Variants in ATP8A2 observed in about 807,000 individuals in gnomAD.
ATP8A2 encodes phospholipid-transporting ATPase IB.
In ATP8A2, 100 loss-of-function variants were observed where a neutral mutation model predicts 165.6. That is an observed-to-expected ratio of 0.60 (90% confidence interval 0.51 to 0.71). The LOEUF is 0.71. Among genes scored for constraint, ATP8A2 ranks in the 30% least tolerant of loss-of-function variants. The probability of loss-of-function intolerance (pLI) is 0.00; values close to 1 mark genes in which losing one functional copy is unlikely to be tolerated. For missense variants in ATP8A2, 1,227 were observed against 1,479.5 expected (o/e 0.83, Z 2.80); for synonymous variants, 543 against 548.8 (o/e 0.99, Z 0.15).
chr13:25,525,791 T>C (rs1403677527), intron 2 of ATP8A2, among the ~76,000 whole-genome samples: 1 of 152,142 alleles, frequency 6.6e-6, no homozygotes, highest in Non-Finnish European at 1.5e-5. Context: ...GAAGTCTTAT[T>C]TGGGTCAGAT....
At chr13:25,551,031 C>G (rs1222409606) in intron 10 of ATP8A2, among the ~76,000 whole-genome samples, 14 of 152,016 alleles carry the variant, frequency 9.2e-5, no homozygotes, top group African/African-American at 3.4e-4. Context: ...ATATTTAGAA[C>G]CTGTTGTGTT....
At chr13:25,557,209 C>T (rs2039007002) in intron 13 of ATP8A2, among the ~76,000 whole-genome samples, 1 of 152,056 alleles carries the variant, frequency 6.6e-6, no homozygotes, top group South Asian at 2.1e-4. Context: ...GCTCTAAATT[C>T]TTAGTATAAC....
chr13:25,467,997 A>G (rs1010164592), intron 1 of ATP8A2, among the ~76,000 whole-genome samples: 10 of 152,232 alleles, frequency 6.6e-5, no homozygotes, highest in South Asian at 2.1e-4. Flanking sequence ...CCTTTATCTC[A>G]GACGCCTCTC....
chr13:25,421,457 C>T (rs1251521373), intron 1 of ATP8A2, among the ~76,000 whole-genome samples: 1 of 152,158 alleles, frequency 6.6e-6, no homozygotes, highest in African/African-American at 2.4e-5. Flanking sequence ...ACCTCAGCCC[C>T]CCAAGTAGCT....
chr13:26,001,372 C>T (rs942326979), intron 35 of ATP8A2, among the ~76,000 whole-genome samples: 1 of 152,150 alleles, frequency 6.6e-6, no homozygotes, highest in Non-Finnish European at 1.5e-5. Flanking sequence ...AGTCCATTTT[C>T]CATTCATTTG....
chr13:25,793,723 C>G (rs1950435084), intron 27 of ATP8A2, among the ~76,000 whole-genome samples: 1 of 151,738 alleles, frequency 6.6e-6, no homozygotes, highest in Non-Finnish European at 1.5e-5. Context: ...TTTGTGTTAG[C>G]CATTAACGAG....
At chr13:25,841,169 C>T (rs1028396065) in intron 30 of ATP8A2, among the ~76,000 whole-genome samples, 2 of 152,138 alleles carry the variant, frequency 1.3e-5, no homozygotes, top group Non-Finnish European at 2.9e-5. Context: ...TAACCAGATT[C>T]CATTATGTAA....
intron 27 of ATP8A2, among the ~76,000 whole-genome samples, chr13:25,796,268 A>G (rs1375742480): frequency 2.0e-5 from 3 of 152,306 alleles, no homozygotes; most frequent in African/African-American, 7.2e-5. Context: ...TTTTAAAACT[A>G]TGATTACTTC....
intron 10 of ATP8A2, among the ~76,000 whole-genome samples, chr13:25,546,780 C>T (rs1455007308): frequency 6.6e-6 from 1 of 152,106 alleles, no homozygotes; most frequent in Non-Finnish European, 1.5e-5. Flanking sequence ...GATGAGGAGG[C>T]TTGCAGCATA....
At chr13:25,985,930 G>A (rs1956273458) in intron 35 of ATP8A2, among the ~76,000 whole-genome samples, 1 of 152,214 alleles carries the variant, frequency 6.6e-6, no homozygotes, top group South Asian at 2.1e-4. Context: ...AATGGATGTT[G>A]GAGAGAATAT....
chr13:25,617,585 G>C (rs539604472), intron 24 of ATP8A2, among the ~76,000 whole-genome samples: 6 of 152,262 alleles, frequency 3.9e-5, no homozygotes, highest in African/African-American at 1.4e-4. Flanking sequence ...CAGAAACAAG[G>C]ACTAGATAGT....
intron 25 of ATP8A2, among the ~76,000 whole-genome samples, chr13:25,742,637 A>C (rs1027489717): frequency 2.7e-5 from 4 of 147,930 alleles, no homozygotes; most frequent in East Asian, 4.0e-4. Context: ...AATCCCCCCC[A>C]CACACCCCAC....
chr13:25,757,017 C>A (rs1458008222), intron 25 of ATP8A2, among the ~76,000 whole-genome samples: 2 of 152,166 alleles, frequency 1.3e-5, no homozygotes, highest in Non-Finnish European at 2.9e-5. Context: ...CCTTCCCCCT[C>A]ATTAATATGT....
intron 35 of ATP8A2, among the ~76,000 whole-genome samples, chr13:25,996,583 G>A (rs562241454): frequency 9.9e-5 from 15 of 152,066 alleles, no homozygotes; most frequent in African/African-American, 2.4e-4. Context: ...AGAGTGTGGC[G>A]GTGTGATCTC....
Position 25,642,945 on chromosome 13 carries a change from C to G in ATP8A2, c.2211+53246C>G, listed in dbSNP as rs551923097. 9.9e-5 allele frequency among the ~76,000 whole-genome samples: 15 copies of G among 152,202 alleles called. No individual in the cohort carries two copies. The East Asian group carries it at 2.9e-3, about 29-fold the overall frequency. The stretch of plus-strand genomic sequence containing the variant: ...GGATGAAGCTGGAAACCATTATTCT[C>G]AGCAAACTATAGCAAGGACAAAAAA... On this transcript the variant is annotated intron_variant, in intron 24 of 36. Coordinates refer to ENST00000381655, the MANE Select transcript of ATP8A2 (RefSeq NM_016529.6).
intron 33 of ATP8A2, among the ~76,000 whole-genome samples, chr13:25,897,304 C>G (rs1953586223): frequency 6.6e-6 from 1 of 152,160 alleles, no homozygotes; most frequent in Non-Finnish European, 1.5e-5. Context: ...CTTAGTTTGG[C>G]TGGATATGAA....
chr13:25,386,360 A>G (rs756014203), intron 1 of ATP8A2, among the ~76,000 whole-genome samples: 1 of 152,178 alleles, frequency 6.6e-6, no homozygotes, highest in Non-Finnish European at 1.5e-5. Context: ...CATTATGTAG[A>G]GTCCGATTAA....
intron 24 of ATP8A2, among the ~76,000 whole-genome samples, chr13:25,593,275 G>C (rs1489348841): frequency 6.6e-6 from 1 of 152,136 alleles, no homozygotes; most frequent in East Asian, 1.9e-4. Context: ...AGAAGCATTT[G>C]GCCTGGCTTC....
chr13:25,576,082 C>T (rs546845431), intron 19 of ATP8A2, among the ~76,000 whole-genome samples: 86 of 152,290 alleles, frequency 5.6e-4, no homozygotes, highest in African/African-American at 2.0e-3. Context: ...GAAGTACTTG[C>T]TTTACACATT....
Sources: allele counts gnomAD v4.1 joint callset (sites outside exome capture counted in the v4.1 genomes callset), GRCh38; gene constraint gnomAD v4.1.1; transcripts MANE v1.5; gene names NCBI Gene and HGNC (gene_info 2026-07-23, HGNC 2026-07-21).